Variants in FLI1 observed in about 807,000 individuals in gnomAD.
The protein encoded by FLI1 is Fli-1 proto-oncogene, ETS transcription factor.
FLI1 carries 13 observed loss-of-function variants against 53.1 expected under a neutral mutation model. The ratio of observed to expected loss-of-function variants is 0.24; its 90% confidence interval spans 0.16 to 0.39. The LOEUF (loss-of-function observed/expected upper bound fraction) is 0.39, where lower values mean the gene tolerates loss of function less well. FLI1 is among the 10% of genes least tolerant of loss of function. The pLI is 1.00. For missense variants in FLI1, 424 were observed against 600.5 expected (o/e 0.71, Z 3.07); for synonymous variants, 244 against 236.7 (o/e 1.03, Z -0.28).
At chr11:128,688,149 C>G (rs551586853) in intron 1 of FLI1, among the ~76,000 whole-genome samples, 3 of 152,210 alleles carry the variant, frequency 2.0e-5, no homozygotes, top group East Asian at 3.9e-4. Flanking sequence ...GTCTCTCTCC[C>G]ACTCATAGGA....
At chr11:128,772,151 T>C (rs767214960) in intron 3 of FLI1, among the ~76,000 whole-genome samples, 1 of 152,098 alleles carries the variant, frequency 6.6e-6, no homozygotes, top group Non-Finnish European at 1.5e-5. Context: ...ACCTTACCTG[T>C]GTTCACTCAA....
At chr11:128,768,353 G>C (rs749593340) in intron 3 of FLI1, 81 bp downstream of exon 3, 22 of 1,539,722 alleles carry the variant, frequency 1.4e-5, no homozygotes, top group African/African-American at 2.7e-5. Flanking sequence ...ACCTTTATCT[G>C]ATACTCTATT....
At chr11:128,743,721 T>A (rs923514396) in intron 1 of FLI1, among the ~76,000 whole-genome samples, 1 of 145,802 alleles carries the variant, frequency 6.9e-6, no homozygotes, top group African/African-American at 2.5e-5. Flanking sequence ...ACTAAACCAG[T>A]CCCAAGCCCC....
chr11:128,748,445 A>C (rs1940501054), intron 1 of FLI1, among the ~76,000 whole-genome samples: 1 of 152,004 alleles, frequency 6.6e-6, no homozygotes, highest in Non-Finnish European at 1.5e-5. Flanking sequence ...GGAGTTTGAG[A>C]CCAGCCTGAC....
chr11:128,704,214 C>A (rs1192301729), intron 1 of FLI1, among the ~76,000 whole-genome samples: 3 of 152,114 alleles, frequency 2.0e-5, no homozygotes, highest in Non-Finnish European at 2.9e-5. Context: ...GATGATAGAA[C>A]CTCACGTAGA....
At chr11:128,777,014 A>G (rs1941748344) in intron 4 of FLI1, among the ~76,000 whole-genome samples, 1 of 152,116 alleles carries the variant, frequency 6.6e-6, no homozygotes. Context: ...GATTAAGCCA[A>G]ACCTATCACC....
chr11:128,782,040 G>A lies in FLI1; in HGVS notation c.655+17G>A. ...TCAAAGAAGGTAAGTTTGTTCTTTT[G>A]TGCACTTAAAATTTTCTTCTGTACC... On this transcript the variant is annotated intron_variant, in intron 5 of 8. Transcript: ENST00000527786. 1 of 1,608,086 alleles carries A rather than the reference G, an allele frequency of 6.2e-7. No individual in the cohort carries two copies. Among genetic ancestry groups the A allele is most frequent in the Non-Finnish European group, 8.5e-7 (1 of 1,174,666 alleles).
chr11:128,772,782 A>G lies in FLI1; in HGVS notation c.386A>G (p.Asp129Gly). 6.2e-7 allele frequency: 1 copy of G among 1,613,846 alleles called. No individual in the cohort carries two copies. The highest frequency in any genetic ancestry group is 8.5e-7 in the Non-Finnish European group (1 of 1,179,778). The change falls in exon 4 of 9, where the codon GAC (aspartate) becomes GGC (glycine). Residue 129 changes from aspartate to glycine, a missense_variant and splice_region_variant. Transcript: ENST00000527786. ...GCTAACAACGTCTTCTCCTCTGCAG[A>G]CCCCACACTGTGGACACAGGAGCAT... ...TNERRVIVPA[D>G]PTLWTQEHVR...
intron 2 of FLI1, among the ~76,000 whole-genome samples, chr11:128,765,236 G>A (rs144640129): frequency 2.2e-3 from 337 of 152,242 alleles, no homozygotes; most frequent in Non-Finnish European, 3.2e-3. Context: ...CACGTGTTAG[G>A]CAGGTTTGGG....
At chr11:128,723,933 ATTTTTTTTTT>A (rs376612983) in intron 1 of FLI1, among the ~76,000 whole-genome samples, 4 of 80,976 alleles carry the variant, frequency 4.9e-5, no homozygotes, top group Non-Finnish European at 8.9e-5. Context: ...AATGGAGTTG[ATTTTTTTTTT>A]TTTTTTTTTT....
At chr11:128,773,254 C>A (rs1292953826) in intron 4 of FLI1, among the ~76,000 whole-genome samples, 2 of 152,166 alleles carry the variant, frequency 1.3e-5, no homozygotes, top group African/African-American at 4.8e-5. Context: ...TACACTCTTC[C>A]CATGAGACCG....
intron 1 of FLI1, among the ~76,000 whole-genome samples, chr11:128,701,854 C>A (rs897406041): frequency 1.3e-5 from 2 of 152,184 alleles, no homozygotes; most frequent in Non-Finnish European, 2.9e-5. Flanking sequence ...CCTCGAATTT[C>A]TAGACATTGT....
chr11:128,768,544 C>T (rs760533448), intron 3 of FLI1: 54 of 433,336 alleles, frequency 1.2e-4, no homozygotes, highest in Non-Finnish European at 2.2e-4. Flanking sequence ...CAAAAATTAG[C>T]CAGGTGTGGT....
chr11:128,779,508 G>T (rs374692689), intron 4 of FLI1, among the ~76,000 whole-genome samples: 1 of 152,214 alleles, frequency 6.6e-6, no homozygotes, highest in Non-Finnish European at 1.5e-5. Context: ...GAGAACTATT[G>T]TATGTAATTG....
intron 1 of FLI1, among the ~76,000 whole-genome samples, chr11:128,730,832 G>A (rs116654193): frequency 0.011 from 1,656 of 152,364 alleles, 31 homozygotes; most frequent in African/African-American, 0.038. Context: ...GAGGCTCACA[G>A]AAATCCTGCA....
intron 4 of FLI1, among the ~76,000 whole-genome samples, chr11:128,776,455 A>T (rs1224933898): frequency 5.9e-5 from 9 of 152,250 alleles, no homozygotes; most frequent in Admixed American, 1.3e-4. Context: ...GTTGGAGACC[A>T]GCCTGGCCAA....
chr11:128,690,883 C>T (rs993421512), upstream of FLI1, among the ~76,000 whole-genome samples: 3 of 152,214 alleles, frequency 2.0e-5, no homozygotes, highest in African/African-American at 7.2e-5. Flanking sequence ...CGATGGCACT[C>T]ATACCAGCTC....
chr11:128,723,071 G>A (rs1251282259), intron 1 of FLI1, among the ~76,000 whole-genome samples: 2 of 152,074 alleles, frequency 1.3e-5, no homozygotes, highest in East Asian at 1.9e-4. Flanking sequence ...GCTCTCTTGG[G>A]TCCTCTTTAT....
At chr11:128,785,390 G>C (rs905198340) in intron 5 of FLI1, among the ~76,000 whole-genome samples, 1 of 151,490 alleles carries the variant, frequency 6.6e-6, no homozygotes, top group Non-Finnish European at 1.5e-5. Context: ...CAAAGAAAGT[G>C]GGGTTCAGCA....
Sources: allele counts gnomAD v4.1 joint callset (sites outside exome capture counted in the v4.1 genomes callset), GRCh38; gene constraint gnomAD v4.1.1; transcripts MANE v1.5; gene names NCBI Gene and HGNC (gene_info 2026-07-23, HGNC 2026-07-21).